The following DCDC1 variants were observed in gnomAD, a reference collection of about 807,000 sequenced individuals.
DCDC1 encodes doublecortin domain containing 1.
Under a neutral mutation model 178.3 loss-of-function variants are expected in DCDC1, and 200 were observed. That is an observed-to-expected ratio of 1.12 (90% CI 1.00 to 1.26). The LOEUF is 1.26. DCDC1 is among the 50% of genes most tolerant of loss of function. DCDC1 has a pLI of 0.00. For missense variants in DCDC1, 1,983 were observed against 1,749.2 expected, an observed-to-expected ratio of 1.13 and a Z score of -2.38; for synonymous variants, 690 against 604.8, an observed-to-expected ratio of 1.14 and a Z score of -2.07.
chr11:31,222,801 T>G (rs1281446516), intron 9 of DCDC1, among the ~76,000 whole-genome samples: 1 of 151,938 alleles, frequency 6.6e-6, no homozygotes, highest in African/African-American at 2.4e-5. Context: ...ATCAGGGCCC[T>G]ACCCTTATGA....
intron 27 of DCDC1, 122 bp from the exon 28 acceptor site, chr11:30,911,542 C>A: frequency 1.3e-6 from 1 of 743,996 alleles, no homozygotes; most frequent in Non-Finnish European, 2.3e-6. Context: ...GAATGTGAAT[C>A]CTTTAAGAAT....
At chr11:31,066,255 T>G (rs1956244359) in intron 18 of DCDC1, among the ~76,000 whole-genome samples, 2 of 152,198 alleles carry the variant, frequency 1.3e-5, no homozygotes, top group East Asian at 1.9e-4. Context: ...TACATGGAAG[T>G]AATTTCCCAC....
At chr11:31,198,925 GA>G (rs896901475) in intron 9 of DCDC1, among the ~76,000 whole-genome samples, 1 of 150,866 alleles carries the variant, frequency 6.6e-6, no homozygotes, top group Non-Finnish European at 1.5e-5. Flanking sequence ...AGAAATGAGT[GA>G]AAAAAAATCA....
intron 35 of DCDC1, 49 bp downstream of exon 35, chr11:30,894,199 C>T (rs376844491): frequency 2.5e-6 from 4 of 1,578,504 alleles, no homozygotes; most frequent in Admixed American, 3.8e-5. Flanking sequence ...CTTTTAAATA[C>T]TCATAAAAAG....
At chr11:31,193,020 T>C (rs1244689314) in intron 9 of DCDC1, among the ~76,000 whole-genome samples, 1 of 152,030 alleles carries the variant, frequency 6.6e-6, no homozygotes, top group East Asian at 1.9e-4. Flanking sequence ...TTCTCAAGTC[T>C]TTGGACCCTG....
chr11:30,909,531 T>C (rs1945301973), intron 28 of DCDC1, among the ~76,000 whole-genome samples: 1 of 152,136 alleles, frequency 6.6e-6, no homozygotes, highest in South Asian at 2.1e-4. Flanking sequence ...ATGATAATTT[T>C]TTAGGACAAA....
At chr11:30,923,401 C>CTT (rs10637054) in intron 23 of DCDC1, among the ~76,000 whole-genome samples, 73,046 of 130,196 alleles carry the variant, frequency 0.56, 20,897 homozygotes, top group Middle Eastern at 0.69. Flanking sequence ...TCCTCTTCTC[C>CTT]TTTTTTTTTT....
chr11:31,254,899 T>C (rs1944308916), intron 8 of DCDC1, among the ~76,000 whole-genome samples: 1 of 152,194 alleles, frequency 6.6e-6, no homozygotes, highest in South Asian at 2.1e-4. Context: ...TCCAAAATAT[T>C]TCCATCATTC....
chr11:31,295,948 T>C (rs1341322190), intron 6 of DCDC1, among the ~76,000 whole-genome samples: 1 of 152,170 alleles, frequency 6.6e-6, no homozygotes, highest in Non-Finnish European at 1.5e-5. Context: ...ACTTTCTAAT[T>C]GTATATGATT....
At chr11:30,987,654 A>T (rs902250563) in intron 20 of DCDC1, among the ~76,000 whole-genome samples, 2 of 152,184 alleles carry the variant, frequency 1.3e-5, no homozygotes, top group Non-Finnish European at 2.9e-5. Context: ...GCTCATTTTA[A>T]GTATTTGGGG....
rs377121072 is a variant in DCDC1 at position 31,290,763 on chromosome 11, G to T, written c.844C>A (p.Leu282Ile). ...GTAAGTTTCTTCATTCTAATAGAAA[G>T]AACAGGCTTGGTTTTCCGTCTTTTG... ...DIKRRKTKPV[L>I]SIRMKKLTER... The change falls in exon 7 of 39, where the codon CTT becomes ATT. Residue 282 changes from leucine (L) to isoleucine (I), a missense_variant. Coordinates refer to ENST00000684477, the MANE Select transcript of DCDC1 (RefSeq NM_001387274.1). 4 of 1,613,320 alleles carry T rather than the reference G, an allele frequency of 2.5e-6. No homozygotes were observed. In the African/African-American group the frequency reaches 5.3e-5, roughly 22 times the overall value.
intron 3 of DCDC1, among the ~76,000 whole-genome samples, chr11:31,314,870 A>G (rs1353513369): frequency 6.6e-6 from 1 of 152,222 alleles, no homozygotes; most frequent in African/African-American, 2.4e-5. Context: ...GGTCCTAAAG[A>G]TCTTAAACAT....
At chr11:30,920,713 C>G (rs1330189810) in intron 25 of DCDC1, 63 bp downstream of exon 25, 2 of 1,578,688 alleles carry the variant, frequency 1.3e-6, no homozygotes, top group Admixed American at 1.8e-5. Flanking sequence ...GTGCTGTTAT[C>G]GGGCTAATGA....
At chr11:31,044,685 G>T (rs886801184) in intron 20 of DCDC1, among the ~76,000 whole-genome samples, 1 of 152,088 alleles carries the variant, frequency 6.6e-6, no homozygotes, top group African/African-American at 2.4e-5. Context: ...TTTGGAAGCT[G>T]AGTCTTCCCC....
At chr11:31,325,523 A>G (rs769776616) in intron 3 of DCDC1, among the ~76,000 whole-genome samples, 1 of 152,112 alleles carries the variant, frequency 6.6e-6, no homozygotes, top group Non-Finnish European at 1.5e-5. Context: ...CCTGGTACAG[A>G]GGTTTTCACT....
intron 12 of DCDC1, among the ~76,000 whole-genome samples, chr11:31,109,191 TA>T (rs1430484013): frequency 6.6e-6 from 1 of 151,300 alleles, no homozygotes; most frequent in Non-Finnish European, 1.5e-5. Context: ...TGATCTCAGC[TA>T]AATGCAACCT....
rs957007039 is a variant in DCDC1, at chr11:31,153,817, C to CACACA, written c.1222-16034_1222-16033insTGTGT. 5.4e-3 allele frequency among the ~76,000 whole-genome samples: 809 copies of CACACA among 150,090 alleles called. 11 individuals are homozygous for CACACA. Among genetic ancestry groups the CACACA allele is most frequent in the African/African-American group, 0.019 (768 of 40,622 alleles). On this transcript the variant is annotated intron_variant, in intron 9 of 38. Coordinates refer to ENST00000684477, the MANE Select transcript of DCDC1 (RefSeq NM_001387274.1). ...ACACACACACACACACACACACACA[C>CACACA]AATTACCATAACTCTATGCTGTATC...
At chr11:30,939,102 G>A (rs764206437) in intron 21 of DCDC1, among the ~76,000 whole-genome samples, 4 of 152,118 alleles carry the variant, frequency 2.6e-5, no homozygotes, top group African/African-American at 7.2e-5. Context: ...CTCTGAAAAT[G>A]CCCAACTACC....
intron 20 of DCDC1, among the ~76,000 whole-genome samples, chr11:30,984,652 AT>A (rs1222142014): frequency 6.6e-6 from 1 of 152,170 alleles, no homozygotes; most frequent in East Asian, 1.9e-4. Flanking sequence ...ATCCCCAAGG[AT>A]TTGCAAACTC....
Sources: allele counts gnomAD v4.1 joint callset (sites outside exome capture counted in the v4.1 genomes callset), GRCh38; gene constraint gnomAD v4.1.1; transcripts MANE v1.5; gene names NCBI Gene and HGNC (gene_info 2026-07-23, HGNC 2026-07-21).